Variants in CALCR observed in about 807,000 individuals in gnomAD.
CALCR encodes calcitonin receptor.
CALCR carries 47 observed loss-of-function variants against 59.5 expected under a neutral mutation model. The observed-to-expected ratio is 0.79, with a 90% CI of 0.63 to 1.01. The LOEUF (loss-of-function observed/expected upper bound fraction) is 1.01, where lower values mean the gene tolerates loss of function less well. Among genes scored for constraint, CALCR ranks in the 50% least tolerant of loss-of-function variants. CALCR has a pLI of 0.00. For synonymous variants in CALCR, 213 were observed against 211.3 expected, an observed-to-expected ratio of 1.01 and a Z score of -0.07; for missense variants, 566 against 597.1, an observed-to-expected ratio of 0.95 and a Z score of 0.54.
chr7:93,461,049 G>A (rs1417224430), intron 7 of CALCR, 102 bp from the exon 8 acceptor site: 1 of 990,292 alleles, frequency 1.0e-6, no homozygotes, highest in East Asian at 2.8e-5. Flanking sequence ...TTAAAAAAAA[G>A]ATGAAAGAAC....
At chr7:93,498,326 G>C (rs1801252965) in intron 2 of CALCR, among the ~76,000 whole-genome samples, 1 of 151,606 alleles carries the variant, frequency 6.6e-6, no homozygotes, top group Non-Finnish European at 1.5e-5. Context: ...TAGTTGGTCA[G>C]GCAACATTAA....
At chr7:93,522,759 TC>T (rs1159220952) in intron 2 of CALCR, among the ~76,000 whole-genome samples, 1 of 152,188 alleles carries the variant, frequency 6.6e-6, no homozygotes, top group African/African-American at 2.4e-5. Context: ...CATCATGCTG[TC>T]TTGTTTTGTA....
intron 2 of CALCR, among the ~76,000 whole-genome samples, chr7:93,559,059 TAAC>T (rs776791052): frequency 1.3e-5 from 2 of 151,926 alleles, no homozygotes; most frequent in African/African-American, 2.4e-5. Flanking sequence ...ATCTGTCAAA[TAAC>T]AACAACAAAA....
rs1789200201 is a variant in CALCR at position 93,543,458 on chromosome 7, C to G, written c.-27+30831G>C. Among the ~76,000 whole-genome samples, 4 of 152,046 alleles carry G rather than the reference C, an allele frequency of 2.6e-5. No homozygotes were observed. In the South Asian group the frequency reaches 8.3e-4, roughly 32 times the overall value. ...CCGTGCGTGGCCTGTATATGTTACA[C>G]TTTTATACAACTGGCAGTGCAGTAG... On this transcript the variant is annotated intron_variant, in intron 2 of 13. Coordinates refer to ENST00000426151, the MANE Select transcript of CALCR (RefSeq NM_001742.4).
chr7:93,510,697 G>A, intron 2 of CALCR, among the ~76,000 whole-genome samples: 1 of 151,818 alleles, frequency 6.6e-6, no homozygotes, highest in East Asian at 1.9e-4. Flanking sequence ...AAGAGACACT[G>A]TCTCTACAAA....
chr7:93,509,042 T>C (rs978027107), intron 2 of CALCR, among the ~76,000 whole-genome samples: 16 of 152,256 alleles, frequency 1.1e-4, no homozygotes, highest in African/African-American at 3.6e-4. Flanking sequence ...ATGGACACTC[T>C]TCCATTGAGA....
At chr7:93,438,024 A>C (rs752480089) in intron 11 of CALCR, 36 bp downstream of exon 11, 12 of 1,283,416 alleles carry the variant, frequency 9.4e-6, no homozygotes, top group South Asian at 2.5e-5. Context: ...CTAAGAGATA[A>C]TACTACTAAT....
intron 2 of CALCR, among the ~76,000 whole-genome samples, chr7:93,529,852 T>C (rs1199006520): frequency 1.3e-5 from 2 of 152,176 alleles, no homozygotes; most frequent in African/African-American, 4.8e-5. Flanking sequence ...TGTTAATATA[T>C]GTGAAGGCAA....
chr7:93,453,479 T>C (rs1445320265), intron 8 of CALCR, among the ~76,000 whole-genome samples: 1 of 151,788 alleles, frequency 6.6e-6, no homozygotes, highest in African/African-American at 2.4e-5. Flanking sequence ...TCAAATCGAG[T>C]GTCACTTCAC....
intron 8 of CALCR, among the ~76,000 whole-genome samples, chr7:93,446,190 T>C (rs1439126475): frequency 1.3e-5 from 2 of 152,006 alleles, no homozygotes; most frequent in African/African-American, 4.8e-5. Context: ...ACGCAAGATA[T>C]TGCTTGGAGG....
Position 93,443,587 on chromosome 7 carries a change from C to T in CALCR, c.802+17G>A. The T allele has an allele frequency of 6.2e-7, 1 of 1,609,970 alleles. No homozygotes were observed. The highest frequency in any genetic ancestry group is 8.5e-7 in the Non-Finnish European group (1 of 1,177,874). On this transcript the variant is annotated intron_variant, in intron 9 of 13. Transcript: ENST00000426151. ...GAGGTGAAAGTGACTCAAAACTTAG[C>T]TGCAGAAAATACATACCCCAGCCCA...
At chr7:93,483,891 AT>A in intron 3 of CALCR, 4 of 450,264 alleles carry the variant, frequency 8.9e-6, no homozygotes, top group South Asian at 3.3e-5. Context: ...ATCTTACATG[AT>A]TTTTCAACAT....
chr7:93,505,536 T>C (rs1447603141), intron 2 of CALCR, among the ~76,000 whole-genome samples: 1 of 152,192 alleles, frequency 6.6e-6, no homozygotes, highest in Non-Finnish European at 1.5e-5. Flanking sequence ...ATCAGGTATG[T>C]GCTGGATGGT....
chr7:93,463,226 C>G (rs1800374669), intron 7 of CALCR, among the ~76,000 whole-genome samples: 1 of 151,496 alleles, frequency 6.6e-6, no homozygotes. Context: ...ATATATCATA[C>G]AGCATATATG....
At chr7:93,474,968 T>G (rs1204904111) in intron 5 of CALCR, among the ~76,000 whole-genome samples, 3 of 151,712 alleles carry the variant, frequency 2.0e-5, no homozygotes, top group Non-Finnish European at 4.4e-5. Context: ...AATAACATAC[T>G]AAAGAAAAGA....
chr7:93,507,399 G>A (rs1047775592), intron 2 of CALCR, among the ~76,000 whole-genome samples: 2 of 152,096 alleles, frequency 1.3e-5, no homozygotes, highest in African/African-American at 2.4e-5. Context: ...AGCTGTCAGG[G>A]CAATGAGCAG....
chr7:93,459,344 G>T (rs1800271428), intron 8 of CALCR, among the ~76,000 whole-genome samples: 1 of 152,176 alleles, frequency 6.6e-6, no homozygotes, highest in Admixed American at 6.5e-5. Flanking sequence ...GCTCCAATCA[G>T]TTATATGATT....
At chr7:93,458,366 T>C (rs1029560645) in intron 8 of CALCR, among the ~76,000 whole-genome samples, 1 of 152,170 alleles carries the variant, frequency 6.6e-6, no homozygotes, top group Non-Finnish European at 1.5e-5. Flanking sequence ...AAGATGAGGC[T>C]ATCTACAGAT....
At chr7:93,447,470 C>A (rs1229910258) in intron 8 of CALCR, among the ~76,000 whole-genome samples, 1 of 151,936 alleles carries the variant, frequency 6.6e-6, no homozygotes, top group African/African-American at 2.4e-5. Flanking sequence ...ACAAGACCAA[C>A]CTTATAATAG....
Sources: allele counts gnomAD v4.1 joint callset (sites outside exome capture counted in the v4.1 genomes callset), GRCh38; gene constraint gnomAD v4.1.1; transcripts MANE v1.5; gene names NCBI Gene and HGNC (gene_info 2026-07-23, HGNC 2026-07-21).